The following DMD variants were observed in gnomAD, a reference collection of about 807,000 sequenced individuals.
DMD encodes the protein mutant dystrophin.
Under a neutral mutation model 330.1 loss-of-function variants are expected in DMD, and 63 were observed. That is an observed-to-expected ratio of 0.19 (90% CI 0.16 to 0.24). DMD has a LOEUF of 0.24. Ranked by LOEUF, DMD falls within the 10% of genes least tolerant of loss-of-function variation. The pLI, the probability that DMD is intolerant of heterozygous loss-of-function variation, is 1.00. For synonymous variants in DMD, 1,223 were observed against 959.8 expected, an observed-to-expected ratio of 1.27 and a Z score of -5.07; for missense variants, 3,344 against 2,684.1, an observed-to-expected ratio of 1.25 and a Z score of -5.43.
intron 44 of DMD, among the ~76,000 whole-genome samples, chrX:32,179,447 T>G (rs191759460): frequency 8.9e-6 from 1 of 112,097 alleles, no homozygotes; most frequent in Non-Finnish European, 1.9e-5. Context: ...AATCTGTTAC[T>G]CTAAGCAAAA....
At chrX:33,125,051 G>T (rs1336201903) in intron 1 of DMD, among the ~76,000 whole-genome samples, 1 of 94,439 alleles carries the variant, frequency 1.1e-5, no homozygotes, top group Admixed American at 1.2e-4. Context: ...AAAAAAAAAG[G>T]CTTTATTTTT....
At chrX:31,573,504 G>GGTT (rs1157392731) in intron 55 of DMD, among the ~76,000 whole-genome samples, 3 of 111,472 alleles carry the variant, frequency 2.7e-5, no homozygotes, top group Non-Finnish European at 5.7e-5. Context: ...GTTCATACAA[G>GGTT]GTTGTACTCT....
At chrX:32,242,516 AT>A (rs754376302) in intron 43 of DMD, among the ~76,000 whole-genome samples, 4 of 111,143 alleles carry the variant, frequency 3.6e-5, no homozygotes, top group Non-Finnish European at 5.7e-5. Flanking sequence ...CTATATGTCT[AT>A]TTTTTTTCAA....
chrX:32,424,757 A>C (rs909780552), intron 29 of DMD, among the ~76,000 whole-genome samples: 6 of 108,890 alleles, frequency 5.5e-5, no homozygotes, highest in Non-Finnish European at 9.5e-5. Flanking sequence ...ACTGACATAA[A>C]AATCTGAATT....
intron 25 of DMD, 139 bp downstream of exon 25, chrX:32,463,300 T>C (rs927803575): frequency 1.5e-5 from 7 of 458,627 alleles, no homozygotes; most frequent in Admixed American, 1.5e-4. Context: ...AGAAAAAAGA[T>C]TAATTTGTCA....
chrX:32,489,128 C>G (rs141658303), intron 20 of DMD, among the ~76,000 whole-genome samples: 45 of 110,888 alleles, frequency 4.1e-4, no homozygotes, highest in African/African-American at 1.4e-3. Context: ...ATATTGATTC[C>G]ATTGTTTCAT....
intron 62 of DMD, among the ~76,000 whole-genome samples, chrX:31,322,014 ATG>A (rs1695541925): frequency 8.9e-6 from 1 of 112,014 alleles, no homozygotes; most frequent in Non-Finnish European, 1.9e-5. Flanking sequence ...CTAGCAATCC[ATG>A]TGAGACCTCT....
chrX:32,651,130 T>A (rs780095154), intron 9 of DMD, among the ~76,000 whole-genome samples: 3 of 91,903 alleles, frequency 3.3e-5, no homozygotes, highest in South Asian at 4.1e-4. Context: ...TAAAAAAATA[T>A]AATATAACTT....
At chrX:32,919,204 G>C (rs2088140039) in intron 2 of DMD, among the ~76,000 whole-genome samples, 2 of 111,974 alleles carry the variant, frequency 1.8e-5, no homozygotes, top group Non-Finnish European at 3.8e-5. Context: ...TGTGTAAAAG[G>C]ATTGGCTTGA....
chrX:31,933,987 A>G (rs1404504327), intron 45 of DMD, among the ~76,000 whole-genome samples: 1 of 110,581 alleles, frequency 9.0e-6, no homozygotes, highest in African/African-American at 3.3e-5. Context: ...CAAATTAACA[A>G]ATGTGTATTG....
chrX:32,549,980 T>A (rs2049364103), intron 16 of DMD, among the ~76,000 whole-genome samples: 1 of 112,643 alleles, frequency 8.9e-6, no homozygotes, highest in South Asian at 3.6e-4. Flanking sequence ...CATGTATAAC[T>A]TAACAACTGG....
In DMD at chrX:31,351,321, G is replaced by T. The variant is rs778447138; in HGVS notation, c.9085-2687C>A. 5.4e-5 allele frequency among the ~76,000 whole-genome samples: 6 copies of T among 110,748 alleles called. No homozygotes were observed. In the South Asian group the frequency reaches 2.3e-3, roughly 43 times the overall value. On this transcript the variant is annotated intron_variant, in intron 60 of 78. Transcript: ENST00000357033. ...ATAATATAACTTATAGGGTTTTGTG[G>T]GAATTAAATAAGATGATACAATGTA... is the stretch of plus-strand genomic sequence containing the variant.
intron 2 of DMD, among the ~76,000 whole-genome samples, chrX:32,912,030 GGAGAGAGA>G (rs58167255): frequency 1.2e-4 from 8 of 64,723 alleles, no homozygotes; most frequent in African/African-American, 4.4e-4. Flanking sequence ...GGAGAGAAGG[GGAGAGAGA>G]GAGAGAGAGA....
intron 2 of DMD, among the ~76,000 whole-genome samples, chrX:32,911,543 A>G (rs747994184): frequency 1.5e-4 from 17 of 112,344 alleles, no homozygotes; most frequent in African/African-American, 5.5e-4. Flanking sequence ...GAGTTTTATT[A>G]AATAAAAATA....
At chrX:32,428,162 T>C (rs2098220782) in intron 29 of DMD, among the ~76,000 whole-genome samples, 1 of 111,419 alleles carries the variant, frequency 9.0e-6, no homozygotes, top group Non-Finnish European at 1.9e-5. Context: ...CTCACTAGTT[T>C]TCAGCCCTTC....
At chrX:33,073,641 G>A (rs1325562742) in intron 1 of DMD, among the ~76,000 whole-genome samples, 2 of 110,446 alleles carry the variant, frequency 1.8e-5, no homozygotes, top group African/African-American at 6.6e-5. Flanking sequence ...GACCAGCCTG[G>A]CCAATGTGGT....
At chrX:31,161,320 G>A (rs2038782178) in intron 74 of DMD, among the ~76,000 whole-genome samples, 5 of 111,749 alleles carry the variant, frequency 4.5e-5, no homozygotes, top group Admixed American at 3.8e-4. Context: ...TCCCTATGAT[G>A]TTCATTGATC....
At chrX:33,083,886 T>C (rs759914738) in intron 1 of DMD, among the ~76,000 whole-genome samples, 1 of 104,728 alleles carries the variant, frequency 9.5e-6, no homozygotes, top group South Asian at 3.9e-4. Flanking sequence ...ATGCTGGATC[T>C]ACAGACACCC....
At chrX:32,219,290 A>G (rs1399944295) in intron 43 of DMD, among the ~76,000 whole-genome samples, 5 of 111,812 alleles carry the variant, frequency 4.5e-5, no homozygotes, top group Non-Finnish European at 9.4e-5. Context: ...TGACCTATGA[A>G]TATATCGTAA....
Sources: gnomAD v4.1 joint callset for allele counts (sites outside exome capture counted in the v4.1 genomes callset) on GRCh38, gnomAD v4.1.1 for gene constraint, MANE v1.5 for transcripts, NCBI Gene and HGNC (gene_info 2026-07-23, HGNC 2026-07-21) for gene names.